Variants in NEMP2 observed in about 807,000 individuals in gnomAD.
The protein encoded by NEMP2 is UPF0571 transmembrane protein.
In NEMP2, 53 loss-of-function variants were observed where a neutral mutation model predicts 54.2. That is an observed-to-expected ratio of 0.98 (90% CI 0.78 to 1.23). The LOEUF (loss-of-function observed/expected upper bound fraction) is 1.23. Ranked by LOEUF, NEMP2 falls within the 50% of genes most tolerant of loss-of-function variation. NEMP2 has a pLI of 0.00. For missense variants in NEMP2, 455 were observed against 511.3 expected, an observed-to-expected ratio of 0.89 and a Z score of 1.06; for synonymous variants, 197 against 190.3, an observed-to-expected ratio of 1.04 and a Z score of -0.29.
chr2:190,477,949 G>A, the NEMP2 span, among the ~76,000 whole-genome samples: 1 of 152,214 alleles, frequency 6.6e-6, no homozygotes, highest in Non-Finnish European at 1.5e-5. Flanking sequence ...TCCAGCATGG[G>A]GGAAGAGCTG....
At chr2:190,602,157 G>A in the NEMP2 span, among the ~76,000 whole-genome samples, 1 of 152,182 alleles carries the variant, frequency 6.6e-6, no homozygotes, top group South Asian at 2.1e-4. Context: ...ATGGGAGAGA[G>A]GCGGAGAAGG....
chr2:190,449,694 A>G, the NEMP2 span, among the ~76,000 whole-genome samples: 1 of 152,192 alleles, frequency 6.6e-6, no homozygotes, highest in Non-Finnish European at 1.5e-5. Flanking sequence ...ATAAAAAATG[A>G]TGAGTTCATG....
chr2:190,450,987 C>G, the NEMP2 span, among the ~76,000 whole-genome samples: 3 of 152,196 alleles, frequency 2.0e-5, no homozygotes, highest in Non-Finnish European at 4.4e-5. Context: ...TGGTTATAAC[C>G]ATTGGCCAAG....
At chr2:190,462,141 G>C in the NEMP2 span, among the ~76,000 whole-genome samples, 1 of 152,002 alleles carries the variant, frequency 6.6e-6, no homozygotes, top group Non-Finnish European at 1.5e-5. The surrounding 1 kb of genome is among the most constrained non-coding windows in gnomAD (Gnocchi z 5.7). Context: ...GTTTGTTTTT[G>C]TATTAATATA....
the NEMP2 span, chr2:190,444,997 C>T: frequency 1.4e-5 from 4 of 288,534 alleles, no homozygotes; most frequent in Admixed American, 6.5e-5. Context: ...TCTTATTTTA[C>T]AGCCCACCTG....
the NEMP2 span, among the ~76,000 whole-genome samples, chr2:190,594,402 TCTTGTTTGACC>T: frequency 6.6e-6 from 1 of 152,272 alleles, no homozygotes; most frequent in Middle Eastern, 3.4e-3. The surrounding 1 kb of genome is among the most constrained non-coding windows in gnomAD (Gnocchi z 5.6). Context: ...TAGAAACATG[TCTTGTTTGACC>T]CTCTATCTAG....
At chr2:190,636,818 A>G in the NEMP2 span, among the ~76,000 whole-genome samples, 1 of 152,262 alleles carries the variant, frequency 6.6e-6, no homozygotes, top group Non-Finnish European at 1.5e-5. Flanking sequence ...ACACAAAAGG[A>G]ATGGGACACA....
At chr2:190,645,963 C>G in the NEMP2 span, among the ~76,000 whole-genome samples, 1 of 152,230 alleles carries the variant, frequency 6.6e-6, no homozygotes, top group African/African-American at 2.4e-5. Context: ...GGCAGGGAAC[C>G]ATCCATGACT....
the NEMP2 span, among the ~76,000 whole-genome samples, chr2:190,562,982 C>T: frequency 1.8e-5 from 2 of 108,548 alleles, no homozygotes; most frequent in African/African-American, 6.9e-5. This position sits in a 1 kb window ranked among gnomAD's most constrained non-coding sequence, Gnocchi z 5.0. Context: ...AGGTTCTCCT[C>T]CAGTGATCAG....
chr2:190,616,717 C>CTT, the NEMP2 span: 2 of 152,286 alleles, frequency 1.3e-5, no homozygotes, highest in Admixed American at 1.3e-4. This position sits in a 1 kb window ranked among gnomAD's most constrained non-coding sequence, Gnocchi z 5.1. Context: ...AACCTAAACT[C>CTT]TAAGACTTGT....
intron 1 of NEMP2, chr2:190,534,045 C>A: frequency 1.1e-6 from 1 of 929,422 alleles, no homozygotes; most frequent in Non-Finnish European, 1.2e-6. Flanking sequence ...TGTTTACTCG[C>A]TCAAGGTCAC....
At chr2:190,609,720 A>T in the NEMP2 span, 1 of 152,138 alleles carries the variant, frequency 6.6e-6, no homozygotes, top group Non-Finnish European at 1.5e-5. The surrounding 1 kb of genome is among the most constrained non-coding windows in gnomAD (Gnocchi z 4.7). Flanking sequence ...CATGATTTCT[A>T]TCATGCTTGT....
chr2:190,546,304 A>G, the NEMP2 span, among the ~76,000 whole-genome samples: 1 of 152,182 alleles, frequency 6.6e-6, no homozygotes, highest in Admixed American at 6.5e-5. This position sits in a 1 kb window ranked among gnomAD's most constrained non-coding sequence, Gnocchi z 5.1. Context: ...ACAATACAGT[A>G]TAACAACAAT....
At chr2:190,635,440 T>C in the NEMP2 span, among the ~76,000 whole-genome samples, 1 of 152,106 alleles carries the variant, frequency 6.6e-6, no homozygotes, top group Non-Finnish European at 1.5e-5. The surrounding 1 kb of genome is among the most constrained non-coding windows in gnomAD (Gnocchi z 4.1). Context: ...TCTCAAACTC[T>C]TGGCCTCAAG....
At chr2:190,495,863 AAT>A in the NEMP2 span, among the ~76,000 whole-genome samples, 2 of 152,220 alleles carry the variant, frequency 1.3e-5, no homozygotes, top group African/African-American at 2.4e-5. The surrounding 1 kb of genome is among the most constrained non-coding windows in gnomAD (Gnocchi z 4.7). Flanking sequence ...CAAGGACTTA[AAT>A]CTAAGACCTG....
At chr2:190,486,005 GT>G in the NEMP2 span, among the ~76,000 whole-genome samples, 7 of 152,182 alleles carry the variant, frequency 4.6e-5, no homozygotes, top group African/African-American at 1.4e-4. Context: ...ATGGTACCTG[GT>G]TGGGTGCTGG....
chr2:190,514,769 T>A lies in NEMP2; in HGVS notation c.728-91A>T. 3 of 1,232,160 alleles carry A rather than the reference T, an allele frequency of 2.4e-6. No homozygotes were observed. Among genetic ancestry groups the A allele is most frequent in the Non-Finnish European group, 3.4e-6 (3 of 879,752 alleles). 76.3% of individuals were successfully genotyped at this position (1,232,160 alleles called of 1,614,324 possible). On this transcript the variant is annotated intron_variant, in intron 6 of 8. Transcript: ENST00000409150. This position sits in a 1 kb window ranked among gnomAD's most constrained non-coding sequence, Gnocchi z 5.7. ...AGAGCCTTGACTTAAAGGTAAAAACTATTAGAGAACCTTAATTTTTGTGTT... is the reference window on the plus strand; with the variant it reads ...AGAGCCTTGACTTAAAGGTAAAAACAATTAGAGAACCTTAATTTTTGTGTT...
At chr2:190,466,486 T>C in the NEMP2 span, among the ~76,000 whole-genome samples, 1 of 152,362 alleles carries the variant, frequency 6.6e-6, no homozygotes, top group South Asian at 2.1e-4. Flanking sequence ...GAGGAAGGAA[T>C]GCGAATGCTC....
the NEMP2 span, among the ~76,000 whole-genome samples, chr2:190,580,783 G>A: frequency 1.3e-5 from 2 of 152,146 alleles, no homozygotes; most frequent in African/African-American, 4.8e-5. The surrounding 1 kb of genome is among the most constrained non-coding windows in gnomAD (Gnocchi z 5.3). Flanking sequence ...ACAGGAGTGG[G>A]GAGAAGTGTC....
Sources: gnomAD v4.1 joint callset for allele counts (sites outside exome capture counted in the v4.1 genomes callset) on GRCh38, gnomAD v4.1.1 for gene constraint, Gnocchi (gnomAD v3.1) non-coding constraint, MANE v1.5 for transcripts, NCBI Gene and HGNC (gene_info 2026-07-23, HGNC 2026-07-21) for gene names.